CMIP: variants seen among roughly 807,000 people sequenced by gnomAD.
The protein encoded by CMIP is C-Maf-inducing protein.
A neutral mutation model predicts 97.3 loss-of-function variants in CMIP; 13 were observed. The ratio of observed to expected loss-of-function variants is 0.13; its 90% CI spans 0.09 to 0.21. The LOEUF (loss-of-function observed/expected upper bound fraction) is 0.21, where lower values mean the gene tolerates loss of function less well. Ranked by LOEUF, CMIP falls within the 10% of genes least tolerant of loss-of-function variation. The pLI is 1.00. For missense variants in CMIP, 847 were observed against 1,024.9 expected (o/e 0.83, Z 2.37); for synonymous variants, 538 against 436.3 (o/e 1.23, Z -2.91).
At chr16:81,449,680 C>T (rs940688639) in intron 1 of CMIP, among the ~76,000 whole-genome samples, 1 of 137,138 alleles carries the variant, frequency 7.3e-6, no homozygotes. Flanking sequence ...CCCCCCCCCC[C>T]TTTCCATGCC....
chr16:81,575,082 A>C (rs551754375), intron 1 of CMIP, among the ~76,000 whole-genome samples: 1 of 152,314 alleles, frequency 6.6e-6, no homozygotes, highest in East Asian at 1.9e-4. Context: ...GCCTCGTAAT[A>C]TAATAACTGA....
At chr16:81,466,310 C>T (rs1421680818) in intron 1 of CMIP, among the ~76,000 whole-genome samples, 2 of 152,238 alleles carry the variant, frequency 1.3e-5, no homozygotes, top group South Asian at 2.1e-4. Flanking sequence ...ATCCTCCTGC[C>T]TTGGCCTCCC....
intron 15 of CMIP, 75 bp downstream of exon 15, chr16:81,699,876 G>C: frequency 9.5e-7 from 1 of 1,055,874 alleles, no homozygotes; most frequent in Non-Finnish European, 1.4e-6. Context: ...AGCATCTGCT[G>C]GGAGCCAGGA....
At chr16:81,509,865 G>A (rs1041624114) in intron 1 of CMIP, among the ~76,000 whole-genome samples, 12 of 152,144 alleles carry the variant, frequency 7.9e-5, no homozygotes, top group African/African-American at 2.9e-4. Flanking sequence ...TTTCCTGGTG[G>A]GCAGGAGCAT....
chr16:81,628,060 T>C (rs2092099175), intron 3 of CMIP, among the ~76,000 whole-genome samples: 1 of 152,118 alleles, frequency 6.6e-6, no homozygotes, highest in Non-Finnish European at 1.5e-5. Flanking sequence ...CACAGAGCCC[T>C]TGAGCTGATG....
chr16:81,645,734 G>A (rs561439569), intron 3 of CMIP: 1 of 972,004 alleles, frequency 1.0e-6, no homozygotes, highest in East Asian at 2.6e-5. Context: ...CGGATGTGGG[G>A]AGCCCTCCTG....
chr16:81,529,221 A>G (rs2090186278), intron 1 of CMIP, among the ~76,000 whole-genome samples: 1 of 152,238 alleles, frequency 6.6e-6, no homozygotes, highest in Admixed American at 6.5e-5. Context: ...TGGAGGTCAC[A>G]ATGCTATTGC....
intron 14 of CMIP, among the ~76,000 whole-genome samples, chr16:81,698,388 A>G (rs1185568946): frequency 1.3e-5 from 2 of 152,226 alleles, no homozygotes; most frequent in African/African-American, 4.8e-5. Flanking sequence ...GGATTTGCCA[A>G]TTCTTGGATT....
rs573196695 is a variant in CMIP at position 81,657,832 on chromosome 16, A to T, written c.681+16A>T. 171 of 1,598,186 alleles carry T rather than the reference A, an allele frequency of 1.1e-4. No individual in the cohort carries two copies. In the East Asian group the frequency reaches 3.8e-3, roughly 35 times the overall value. ...CATCATTGTGGTAAGTTCCTCTCGA[A>T]CACGCTCCCTCCACCCACCTCCGCC... is the stretch of plus-strand genomic sequence containing the variant. On this transcript the variant is annotated intron_variant, in intron 5 of 20. Transcript: ENST00000537098.
chr16:81,583,659 G>A (rs933747760), intron 1 of CMIP, among the ~76,000 whole-genome samples: 1 of 152,110 alleles, frequency 6.6e-6, no homozygotes, highest in African/African-American at 2.4e-5. Context: ...CTTATTGGGG[G>A]TACTTTGTTT....
chr16:81,594,070 C>T (rs1289239689), intron 1 of CMIP, among the ~76,000 whole-genome samples: 1 of 96,404 alleles, frequency 1.0e-5, no homozygotes, highest in Non-Finnish European at 2.2e-5. Flanking sequence ...TCCCCCTCCC[C>T]CTCTTCCCCC....
At chr16:81,538,304 C>G (rs1045950213) in intron 1 of CMIP, among the ~76,000 whole-genome samples, 2 of 152,144 alleles carry the variant, frequency 1.3e-5, no homozygotes, top group African/African-American at 4.8e-5. Flanking sequence ...ATAGGCGGCC[C>G]CCGGCGGTGG....
At chr16:81,570,049 A>G (rs965468986) in intron 1 of CMIP, among the ~76,000 whole-genome samples, 2 of 152,152 alleles carry the variant, frequency 1.3e-5, no homozygotes, top group Non-Finnish European at 2.9e-5. Flanking sequence ...CTGTGCTAGA[A>G]TCTTCCTTTT....
At chr16:81,478,315 G>C (rs567857545) in intron 1 of CMIP, among the ~76,000 whole-genome samples, 1 of 152,218 alleles carries the variant, frequency 6.6e-6, no homozygotes, top group African/African-American at 2.4e-5. Context: ...TCAGCAAGCC[G>C]TAGAGTAGAA....
chr16:81,684,471 G>A (rs1905185381), intron 10 of CMIP, among the ~76,000 whole-genome samples: 1 of 152,240 alleles, frequency 6.6e-6, no homozygotes, highest in Non-Finnish European at 1.5e-5. Context: ...AGGCTGGCAG[G>A]AAGCGTCCTG....
At chr16:81,682,101 G>T (rs1419445899) in intron 10 of CMIP, among the ~76,000 whole-genome samples, 1 of 152,182 alleles carries the variant, frequency 6.6e-6, no homozygotes, top group South Asian at 2.1e-4. Context: ...TACTCGGGAG[G>T]CTGAAGCACG....
At chr16:81,541,943 T>G (rs978125312) in intron 1 of CMIP, among the ~76,000 whole-genome samples, 2 of 152,220 alleles carry the variant, frequency 1.3e-5, no homozygotes, top group African/African-American at 4.8e-5. Context: ...TGTTTTAATT[T>G]TCTCCTTTAA....
intron 1 of CMIP, among the ~76,000 whole-genome samples, chr16:81,498,557 A>C (rs2089536452): frequency 6.6e-6 from 1 of 152,000 alleles, no homozygotes; most frequent in Non-Finnish European, 1.5e-5. Context: ...GGGTCCTTCC[A>C]CCTGACTCAT....
chr16:81,522,704 T>TA (rs1317265806), intron 1 of CMIP, among the ~76,000 whole-genome samples: 3 of 152,162 alleles, frequency 2.0e-5, no homozygotes, highest in Non-Finnish European at 4.4e-5. Flanking sequence ...CCGCCCCGAC[T>TA]AGAGCATTGT....
Sources: allele counts gnomAD v4.1 joint callset (sites outside exome capture counted in the v4.1 genomes callset), GRCh38; gene constraint gnomAD v4.1.1; transcripts MANE v1.5; gene names NCBI Gene and HGNC (gene_info 2026-07-23, HGNC 2026-07-21).